Variants in GTPBP6 observed in about 807,000 individuals in gnomAD.
GTPBP6 encodes the protein GTP binding protein 6.
GTPBP6 carries 33 observed loss-of-function variants against 28.9 expected under a neutral mutation model. The ratio of observed to expected loss-of-function variants is 1.14; its 90% CI spans 0.87 to 1.53. The LOEUF (loss-of-function observed/expected upper bound fraction) is 1.53, where lower values mean the gene tolerates loss of function less well. Among genes scored for constraint, GTPBP6 ranks in the 40% most tolerant of loss-of-function variants. The pLI, the probability that GTPBP6 is intolerant of heterozygous loss-of-function variation, is 0.00. For synonymous variants in GTPBP6, 231 were observed against 192.7 expected, an observed-to-expected ratio of 1.20 and a Z score of -1.65; for missense variants, 507 against 408.3, an observed-to-expected ratio of 1.24 and a Z score of -2.08.
intron 9 of GTPBP6, 93 bp from the exon 10 acceptor site, chrX:305,290 TC>T: frequency 1.0e-6 from 1 of 964,380 alleles, no homozygotes; most frequent in East Asian, 2.4e-5. Flanking sequence ...AGAGCTTAGC[TC>T]AAACCATTCA....
exon 3 of GTPBP6, chrX:315,237 G>C: frequency 2.5e-6 from 1 of 398,640 alleles, no homozygotes; most frequent in Non-Finnish European, 4.4e-6. Context: ...ACCTTGGTCG[G>C]GGCAGCCATC....
At chrX:305,894 G>A (rs1050621830) in intron 9 of GTPBP6, among the ~76,000 whole-genome samples, 7 of 152,138 alleles carry the variant, frequency 4.6e-5, no homozygotes, top group African/African-American at 1.7e-4. Flanking sequence ...AACGTGTTGG[G>A]ATTACAGGTG....
At chrX:314,210 A>T in exon 5 of GTPBP6, 1 of 1,613,248 alleles carries the variant, frequency 6.2e-7, no homozygotes, top group Non-Finnish European at 8.5e-7. Flanking sequence ...TCCCTTTTCA[A>T]GTTCGACCTG....
exon 6 of GTPBP6, chrX:312,803 C>G (rs370952231): frequency 2.3e-5 from 37 of 1,612,604 alleles, no homozygotes; most frequent in Admixed American, 1.0e-4. Flanking sequence ...TCACGGGGAA[C>G]TCCCGCCTCG....
chrX:314,055 CA>C, intron 5 of GTPBP6, 94 bp downstream of exon 5: 1 of 962,888 alleles, frequency 1.0e-6, no homozygotes, highest in Non-Finnish European at 1.7e-6. Flanking sequence ...AGCTGGACCC[CA>C]CCCTGTTGGA....
At chrX:309,200 G>A (rs28706144) in intron 7 of GTPBP6, among the ~76,000 whole-genome samples, 48,476 of 151,894 alleles carry the variant, frequency 0.32, 8,803 homozygotes, top group South Asian at 0.54. Context: ...TTGTTTTCCT[G>A]CCTTGTTGCT....
At chrX:309,977 AG>A in intron 7 of GTPBP6, among the ~76,000 whole-genome samples, 2 of 142,778 alleles carry the variant, frequency 1.4e-5, no homozygotes, top group Non-Finnish European at 3.0e-5. Flanking sequence ...CCACAGACAG[AG>A]GCAGAGACTG....
chrX:314,972 C>T, exon 4 of GTPBP6: 2 of 398,704 alleles, frequency 5.0e-6, no homozygotes, highest in Non-Finnish European at 8.8e-6. Flanking sequence ...TGCAGGACGA[C>T]CGTGAAGCGG....
intron 2 of GTPBP6, among the ~76,000 whole-genome samples, 197 bp from the exon 3 acceptor site, chrX:315,496 CAT>C (rs1263118386): frequency 7.0e-6 from 1 of 143,404 alleles, no homozygotes; most frequent in Non-Finnish European, 1.5e-5. Context: ...GTCTCAAAGA[CAT>C]AGACATGCAT....
In GTPBP6 at chrX:311,867, G is replaced by C. The variant is rs942343079; in HGVS notation, c.917-240C>G. ...GCGGACACGGGGGAGATGGTGGTGTGGACGGGTGTGCGTGTGAAGGCGTGG... is the reference window on the plus strand; with the variant it reads ...GCGGACACGGGGGAGATGGTGGTGTCGACGGGTGTGCGTGTGAAGGCGTGG... On this transcript the variant is annotated intron_variant, in intron 6 of 9. Transcript: ENST00000326153. 2.0e-4 allele frequency: 119 copies of C among 603,618 alleles called. No individual in the cohort carries two copies. The African/African-American group carries it at 2.2e-3, about 11-fold the overall frequency. 37.4% of individuals were successfully genotyped at this position (603,618 alleles called of 1,614,324 possible). A position where few individuals can be genotyped will look rare whatever the true frequency, so the allele number is the denominator to read the frequency against.
intron 4 of GTPBP6, among the ~76,000 whole-genome samples, 157 bp from the exon 5 acceptor site, chrX:314,374 G>A (rs1422803583): frequency 6.6e-6 from 1 of 152,182 alleles, no homozygotes; most frequent in Non-Finnish European, 1.5e-5. Flanking sequence ...CACACTGTGA[G>A]TGACGCGTGT....
At chrX:304,894 G>T in exon 10 of GTPBP6, 1 of 1,444,918 alleles carries the variant, frequency 6.9e-7, no homozygotes, top group Admixed American at 2.8e-5. Flanking sequence ...TTTGGGGCAG[G>T]TGCGGCCGTG....
intron 5 of GTPBP6, 54 bp from the exon 6 acceptor site, chrX:312,978 T>A (rs112519009): frequency 0.58 from 891,361 of 1,538,452 alleles, 262,238 homozygotes; most frequent in African/African-American, 0.71. Context: ...AAGGCACAAG[T>A]GCGGGCGGTG....
intron 7 of GTPBP6, among the ~76,000 whole-genome samples, chrX:309,005 G>A (rs1356133269): frequency 1.3e-5 from 2 of 152,146 alleles, no homozygotes; most frequent in Non-Finnish European, 2.9e-5. Flanking sequence ...GATTGCAGGC[G>A]TGAGCCACCA....
At chrX:311,787 C>G in intron 6 of GTPBP6, 160 bp from the exon 7 acceptor site, 1 of 645,184 alleles carries the variant, frequency 1.5e-6, no homozygotes, top group South Asian at 1.8e-5. Flanking sequence ...CCAGACCCGA[C>G]GCGTGGGACA....
At chrX:305,232 G>A in intron 9 of GTPBP6, 35 bp from the exon 10 acceptor site, 2 of 1,475,090 alleles carry the variant, frequency 1.4e-6, no homozygotes, top group South Asian at 2.3e-5. Context: ...GAGACAAGCA[G>A]AACCCGTAAG....
In GTPBP6 at chrX:307,728, T is replaced by A. The variant is rs1318553066; in HGVS notation, c.1274+4A>T. Reference sequence around the variant, plus strand: ...ACGCTTGCGGACCCCAGGGCCGGACTCACCCGGGCACGAGGTCCACCTTGT... The same window carrying A: ...ACGCTTGCGGACCCCAGGGCCGGACACACCCGGGCACGAGGTCCACCTTGT... On this transcript the variant is annotated splice_donor_region_variant and intron_variant, in intron 8 of 9. Coordinates refer to ENST00000326153, the Ensembl canonical transcript of GTPBP6. The A allele has an allele frequency of 6.8e-7, 1 of 1,472,842 alleles. No homozygotes were observed. The highest frequency in any genetic ancestry group is 9.0e-7 in the Non-Finnish European group (1 of 1,111,192). The allele number at this position is 1,472,842 out of a possible 1,614,324, so 91.2% of individuals were successfully genotyped here. A position where few individuals can be genotyped will look rare whatever the true frequency, so the allele number is the denominator to read the frequency against.
intron 4 of GTPBP6, 135 bp downstream of exon 4, chrX:314,755 C>A (rs1338509500): frequency 7.6e-6 from 3 of 394,198 alleles, no homozygotes; most frequent in Admixed American, 4.4e-5. Context: ...GGATGACAGG[C>A]GTGAGCCACC....
At chrX:313,673 G>A (rs1444596948) in intron 5 of GTPBP6, among the ~76,000 whole-genome samples, 8 of 152,224 alleles carry the variant, frequency 5.3e-5, no homozygotes, top group East Asian at 3.9e-4. Context: ...AGAGACAGAA[G>A]AGGAGACACA....
Sources: gnomAD v4.1 joint callset for allele counts (sites outside exome capture counted in the v4.1 genomes callset) on GRCh38, gnomAD v4.1.1 for gene constraint, MANE v1.5 for transcripts, NCBI Gene and HGNC (gene_info 2026-07-23, HGNC 2026-07-21) for gene names.